The following CENPO variants were observed in gnomAD, a reference collection of about 807,000 sequenced individuals.
CENPO encodes the protein centromere protein O.
CENPO carries 30 observed loss-of-function variants against 36.1 expected under a neutral mutation model. The ratio of observed to expected loss-of-function variants is 0.83; its 90% CI spans 0.62 to 1.13. The LOEUF is 1.13. Among genes scored for constraint, CENPO ranks in the 50% most tolerant of loss-of-function variants. CENPO has a pLI of 0.00. For synonymous variants in CENPO, 171 were observed against 142.3 expected (o/e 1.20, Z -1.44); for missense variants, 349 against 357.8 (o/e 0.98, Z 0.20).
In CENPO at chr2:24,799,845, G is replaced by A. The variant is rs147240609; in HGVS notation, c.216+1G>A. 1.4e-4 allele frequency: 228 copies of A among 1,612,730 alleles called. 2 individuals carry two copies. Among genetic ancestry groups the A allele is most frequent in the Admixed American group, 5.0e-4 (30 of 59,988 alleles). On this transcript the variant is annotated splice_donor_variant, in intron 3 of 7. Transcript: ENST00000380834. LOFTEE classifies it high-confidence loss of function. ...TGTGGTGCGGCACCGGCGAGCCAGCGTGAGTAGAAGGGTGGTATCAGCAGT... is the reference window on the plus strand; with the variant it reads ...TGTGGTGCGGCACCGGCGAGCCAGCATGAGTAGAAGGGTGGTATCAGCAGT...
Position 24,820,345 on chromosome 2 carries a change from C to T in CENPO, c.*1027C>T, listed in dbSNP as rs187491449. 3.0e-5 allele frequency: 40 copies of T among 1,335,958 alleles called. No individual in the cohort carries two copies. The Admixed American group carries it at 1.1e-3, about 36-fold the overall frequency. 82.8% of individuals were successfully genotyped at this position (1,335,958 alleles called of 1,614,324 possible). A position where few individuals can be genotyped will look rare whatever the true frequency, so the allele number is the denominator to read the frequency against. ...CTCCTCTCATCCAGAGACTTCTCTC[C>T]TAGGATGGCCATGGTCACCTGGGTG... On this transcript the variant is annotated 3_prime_UTR_variant, in exon 8 of 8. Transcript: ENST00000380834.
intron 3 of CENPO, among the ~76,000 whole-genome samples, chr2:24,804,218 G>A (rs1196414919): frequency 6.6e-6 from 1 of 152,028 alleles, no homozygotes. Context: ...TTGAGCCTAA[G>A]TGTGTCTCTG....
At chr2:24,807,647 T>C (rs1162328106) in intron 3 of CENPO, among the ~76,000 whole-genome samples, 1 of 152,246 alleles carries the variant, frequency 6.6e-6, no homozygotes, top group Non-Finnish European at 1.5e-5. Context: ...CACTTATATA[T>C]TGGGTATATG....
intron 6 of CENPO, 93 bp from the exon 7 acceptor site, chr2:24,817,577 C>T: frequency 1.3e-6 from 2 of 1,525,950 alleles, no homozygotes; most frequent in Non-Finnish European, 1.8e-6. Flanking sequence ...GCTCCGATTC[C>T]CCCAGCTGCA....
At chr2:24,816,959 A>G (rs926519882) in intron 6 of CENPO, 142 bp downstream of exon 6, 5 of 661,462 alleles carry the variant, frequency 7.6e-6, no homozygotes, top group African/African-American at 5.6e-5. Context: ...CCGGTAAGAT[A>G]GAACATTCTT....
chr2:24,799,774 G>T lies in CENPO; in HGVS notation c.146G>T (p.Gly49Val). 1 of 1,614,088 alleles carries T rather than the reference G, an allele frequency of 6.2e-7. No individual in the cohort carries two copies. Among genetic ancestry groups the T allele is most frequent in the Non-Finnish European group, 8.5e-7 (1 of 1,180,034 alleles). ...QSVQAQEGAL[G>V]TKIHKLRRLR... ...GTGCAGGCCCAGGAAGGTGCTCTTG[G>T]AACCAAGATTCATAAACTAAGGCGT... Residue 49 changes from glycine (G) to valine (V), a missense_variant, in exon 3 of 8, where the codon GGA becomes GTA. By Grantham distance (109) the Gly-to-Val change is moderately radical (BLOSUM62 -3). Coordinates refer to ENST00000380834, the MANE Select transcript of CENPO (RefSeq NM_001322101.2).
chr2:24,819,607 G>A lies in CENPO; in HGVS notation c.*289G>A, dbSNP rs906549819. 4.5e-5 allele frequency: 10 copies of A among 220,526 alleles called. No individual in the cohort carries two copies. In the South Asian group the frequency reaches 5.7e-4, roughly 13 times the overall value. 13.7% of individuals were successfully genotyped at this position (220,526 alleles called of 1,614,324 possible). A position where few individuals can be genotyped will look rare whatever the true frequency, so the allele number is the denominator to read the frequency against. ...CAGTCCCGGAAAGCCCAGCGGCAAA[G>A]GCAGCTTTGTCCCAGCTCTGCCACC... is the stretch of plus-strand genomic sequence containing the variant. On this transcript the variant is annotated 3_prime_UTR_variant, in exon 8 of 8. Coordinates refer to ENST00000380834, the MANE Select transcript of CENPO (RefSeq NM_001322101.2).
Position 24,820,918 on chromosome 2 carries a change from C to G in CENPO, c.*1600C>G, listed in dbSNP as rs1667551435. On this transcript the variant is annotated 3_prime_UTR_variant, in exon 8 of 8. Transcript: ENST00000380834. ...TGTTATGGGCCTCAGAAGCCATCTC[C>G]TCTCCAGACCTGTACCACAAAGCTC... The G allele has an allele frequency of 6.3e-7, 1 of 1,575,592 alleles. No individual in the cohort carries two copies. Among genetic ancestry groups the G allele is most frequent in the Non-Finnish European group, 8.6e-7 (1 of 1,159,276 alleles).
In CENPO at chr2:24,820,679, C is replaced by T. The variant is rs752613540; in HGVS notation, c.*1361C>T. 7 of 1,610,976 alleles carry T rather than the reference C, an allele frequency of 4.3e-6. No homozygotes were observed. In the African/African-American group the frequency reaches 8.0e-5, roughly 18 times the overall value. On this transcript the variant is annotated 3_prime_UTR_variant, in exon 8 of 8. Transcript: ENST00000380834. ...GGGAAAGCACTGTTCCGGTTTTGTT[C>T]TCATGCCGAGTCTGAGCACGTGCCA...
In CENPO at chr2:24,795,980, T is replaced by C. The variant is rs531738766; in HGVS notation, c.46+2015T>C. Reference sequence around the variant, plus strand: ...TTTCTCACGATTATTATTGCGGTAATGTGGGTTTTTCTGTGGACATGAGCC... The same window carrying C: ...TTTCTCACGATTATTATTGCGGTAACGTGGGTTTTTCTGTGGACATGAGCC... On this transcript the variant is annotated intron_variant, in intron 2 of 7. Transcript: ENST00000380834. Among the ~76,000 whole-genome samples, 348 of 152,352 alleles carry C rather than the reference T, an allele frequency of 2.3e-3. 3 individuals are homozygous for C. Among genetic ancestry groups the C allele is most frequent in the African/African-American group, 8.2e-3 (340 of 41,576 alleles).
chr2:24,821,585 G>A lies in CENPO; in HGVS notation c.*2267G>A, dbSNP rs149329231. The A allele has an allele frequency of 2.5e-6, 4 of 1,614,064 alleles. No individual in the cohort carries two copies. Among genetic ancestry groups the A allele is most frequent in the Admixed American group, 1.7e-5 (1 of 60,008 alleles). On this transcript the variant is annotated 3_prime_UTR_variant, in exon 8 of 8. Transcript: ENST00000380834. ...GGTGAGCGTATCCTTCATGGCCAGC[G>A]CGAAGTCGGCCAGGTCAGCCAGGTG...
chr2:24,816,214 G>C (rs571267364), intron 5 of CENPO: 109 of 184,986 alleles, frequency 5.9e-4, no homozygotes, highest in African/African-American at 2.5e-3. Flanking sequence ...CTAAGGTTGG[G>C]TGAAAAAAGT....
chr2:24,820,143 G>A lies in CENPO; in HGVS notation c.*825G>A. The A allele has an allele frequency of 1.3e-6, 2 of 1,519,184 alleles. No homozygotes were observed. The highest frequency in any genetic ancestry group is 1.8e-6 in the Non-Finnish European group (2 of 1,132,374). 94.1% of individuals were successfully genotyped at this position (1,519,184 alleles called of 1,614,324 possible). A position where few individuals can be genotyped will look rare whatever the true frequency, so the allele number is the denominator to read the frequency against. On this transcript the variant is annotated 3_prime_UTR_variant, in exon 8 of 8. Transcript: ENST00000380834. Reference sequence around the variant, plus strand: ...GAGAGGGAGGGGGAGCAAGAACGTGGCGTTACGGGGGGAGCCTAGACTGAG... The same window carrying A: ...GAGAGGGAGGGGGAGCAAGAACGTGACGTTACGGGGGGAGCCTAGACTGAG...
rs1667769311 is a variant in CENPO, at chr2:24,821,830, G to A, written c.*2512G>A. 1 of 780,192 alleles carries A rather than the reference G, an allele frequency of 1.3e-6. No homozygotes were observed. The highest frequency in any genetic ancestry group is 3.0e-5 in the Admixed American group (1 of 33,082). 48.3% of individuals were successfully genotyped at this position (780,192 alleles called of 1,614,324 possible). On this transcript the variant is annotated 3_prime_UTR_variant, in exon 8 of 8. Transcript: ENST00000380834. ...CCACTGTGACAAAGTTCACGTAGCA[G>A]GTCTAGGCAAAGACTGGGCAATTGA...
chr2:24,809,668 T>G (rs1365401714), intron 3 of CENPO, among the ~76,000 whole-genome samples: 1 of 152,204 alleles, frequency 6.6e-6, no homozygotes, highest in African/African-American at 2.4e-5. Context: ...CCCGTGGGTT[T>G]GTTTTATAAG....
In CENPO at chr2:24,816,689, C is replaced by G. The variant is rs761279967; in HGVS notation, c.638C>G (p.Pro213Arg). The change falls in exon 6 of 8, where the codon CCA (proline) becomes CGA (arginine). Residue 213 changes from proline (P) to arginine (R), a missense_variant. By Grantham distance (103) the Pro-to-Arg change is moderately radical. Transcript: ENST00000380834. The stretch of plus-strand genomic sequence containing the variant: ...CTGACTGGGCCCTTGCAGAGAAACC[C>G]ACTGTGTAACTTGCTGTCATTTACT... Reference protein sequence around the residue: ...ALLTGPLQRNPLCNLLSFTYK... With the variant: ...ALLTGPLQRNRLCNLLSFTYK... The G allele has an allele frequency of 6.2e-7, 1 of 1,612,556 alleles. No individual in the cohort carries two copies. Among genetic ancestry groups the G allele is most frequent in the Non-Finnish European group, 8.5e-7 (1 of 1,179,370 alleles).
At position 24,821,621 on chromosome 2, in the gene CENPO, T is replaced by G. The variant is rs751871836; in HGVS notation, c.*2303T>G. ...CAGGTCAGCCAGGTGCTGCCAGCGC[T>G]CTCTCTCGGACTTGTCTTCCTGTGC... is the stretch of plus-strand genomic sequence containing the variant. On this transcript the variant is annotated 3_prime_UTR_variant, in exon 8 of 8. Transcript: ENST00000380834. The G allele has an allele frequency of 3.5e-5, 57 of 1,613,912 alleles. 1 individual carries two copies. Among genetic ancestry groups the G allele is most frequent in the East Asian group, 6.7e-5 (3 of 44,894 alleles).
At position 24,821,059 on chromosome 2, in the gene CENPO, T is replaced by G. The variant is rs1474398217; in HGVS notation, c.*1741T>G. 1.7e-6 allele frequency: 1 copy of G among 604,454 alleles called. No homozygotes were observed. Among genetic ancestry groups the G allele is most frequent in the East Asian group, 3.2e-5 (1 of 30,946 alleles). 37.4% of individuals were successfully genotyped at this position (604,454 alleles called of 1,614,324 possible). A position where few individuals can be genotyped will look rare whatever the true frequency, so the allele number is the denominator to read the frequency against. On this transcript the variant is annotated 3_prime_UTR_variant, in exon 8 of 8. Transcript: ENST00000380834. ...GGTGTCAGCCGCCACCCCCCCCCCA[T>G]ATGCAGATTTACTCGGCATGGTAGT...
intron 2 of CENPO, among the ~76,000 whole-genome samples, chr2:24,795,008 G>A (rs1665829545): frequency 6.6e-6 from 1 of 152,162 alleles, no homozygotes; most frequent in African/African-American, 2.4e-5. Context: ...GACTTAAGCT[G>A]AGACTTTAGA....
Sources: allele counts gnomAD v4.1 joint callset (sites outside exome capture counted in the v4.1 genomes callset), GRCh38; gene constraint gnomAD v4.1.1; transcripts MANE v1.5; gene names NCBI Gene and HGNC (gene_info 2026-07-23, HGNC 2026-07-21).